KIAA1217: variants seen among roughly 807,000 people sequenced by gnomAD.
KIAA1217 encodes the protein sickle tail protein homolog.
In KIAA1217, 88 loss-of-function variants were observed where a neutral mutation model predicts 163.9. That is an observed-to-expected ratio of 0.54 (90% CI 0.45 to 0.64). The LOEUF is 0.64. KIAA1217 is among the 30% of genes least tolerant of loss of function. The pLI is 0.00. For missense variants in KIAA1217, 2,372 were observed against 2,475.0 expected, an observed-to-expected ratio of 0.96 and a Z score of 0.88; for synonymous variants, 903 against 923.1, an observed-to-expected ratio of 0.98 and a Z score of 0.39.
chr10:24,512,763 T>A (rs1196857844), intron 9 of KIAA1217, among the ~76,000 whole-genome samples: 1 of 152,180 alleles, frequency 6.6e-6, no homozygotes, highest in Non-Finnish European at 1.5e-5. Flanking sequence ...ACGTGTTGAG[T>A]TCCCATTCTA....
chr10:24,255,439 C>T (rs1020713912), intron 2 of KIAA1217: 1 of 444,038 alleles, frequency 2.3e-6, no homozygotes, highest in African/African-American at 2.0e-5. Context: ...GGGCTCAGCA[C>T]TGGACTGCTC....
chr10:23,937,918 G>A (rs1843601259), intron 1 of KIAA1217, among the ~76,000 whole-genome samples: 1 of 152,166 alleles, frequency 6.6e-6, no homozygotes, highest in Non-Finnish European at 1.5e-5. Context: ...CTTTAGCACA[G>A]GGAGAGGGAA....
chr10:24,312,309 TAAA>T (rs1228932678), intron 2 of KIAA1217, among the ~76,000 whole-genome samples: 2 of 131,084 alleles, frequency 1.5e-5, no homozygotes, highest in African/African-American at 2.8e-5. Flanking sequence ...GTCATAGATT[TAAA>T]AAAAAAAAAA....
chr10:24,423,152 C>G (rs1053373513), intron 3 of KIAA1217, among the ~76,000 whole-genome samples: 1 of 151,982 alleles, frequency 6.6e-6, no homozygotes, highest in Non-Finnish European at 1.5e-5. Context: ...CTCCTGACCT[C>G]GTGATCCACC....
chr10:23,726,262 T>C (rs1838125135), intron 1 of KIAA1217, among the ~76,000 whole-genome samples: 1 of 151,778 alleles, frequency 6.6e-6, no homozygotes, highest in Non-Finnish European at 1.5e-5. Context: ...GTAAAACTAA[T>C]TTGTTTGTAA....
chr10:24,220,326 G>T (rs1042932883), intron 2 of KIAA1217, among the ~76,000 whole-genome samples: 1 of 151,978 alleles, frequency 6.6e-6, no homozygotes, highest in African/African-American at 2.4e-5. Flanking sequence ...ATGAAGTAAT[G>T]AATGAATGAA....
At chr10:24,224,754 CT>C (rs1355992047) in intron 2 of KIAA1217, among the ~76,000 whole-genome samples, 1 of 150,952 alleles carries the variant, frequency 6.6e-6, no homozygotes, top group Non-Finnish European at 1.5e-5. Flanking sequence ...TGATAATATT[CT>C]GGTTTTTAGT....
At chr10:24,330,229 G>A (rs1033993441) in intron 2 of KIAA1217, among the ~76,000 whole-genome samples, 18 of 151,492 alleles carry the variant, frequency 1.2e-4, no homozygotes, top group Admixed American at 1.1e-3. Context: ...GAACCCAGGA[G>A]GCAGAGGTTG....
rs1835729457 is a variant in KIAA1217, at chr10:23,790,241, G to GCACATATGCATATA, written c.-321+95020_-321+95021insACACATATGCATAT. ...CATATGCATATGCACATATGCATAT[G>GCACATATGCATATA]CACATATGCATATGCACATATGCAT... On this transcript the variant is annotated intron_variant, in intron 1 of 18. Transcript: ENST00000376462. 6.5e-4 allele frequency among the ~76,000 whole-genome samples: 7 copies of GCACATATGCATATA among 10,850 alleles called. 2 individuals carry two copies. Among genetic ancestry groups the GCACATATGCATATA allele is most frequent in the Admixed American group, 3.9e-3 (4 of 1,028 alleles). The allele number at this position is 10,850 out of a possible 152,430, so 7.1% of individuals were successfully genotyped here. A position where few individuals can be genotyped will look rare whatever the true frequency, so the allele number is the denominator to read the frequency against.
Position 24,545,605 on chromosome 10 carries a change from T to C in KIAA1217, c.5335-222T>C, listed in dbSNP as rs1477136502. On this transcript the variant is annotated intron_variant, in intron 20 of 20. Transcript: ENST00000376454. Reference sequence around the variant, plus strand: ...GGAATGATGGGACTCCTCTCACAAATGTATTCTTCCTTTCCTCCTTTCCCG... The same window carrying C: ...GGAATGATGGGACTCCTCTCACAAACGTATTCTTCCTTTCCTCCTTTCCCG... 5 of 1,381,598 alleles carry C rather than the reference T, an allele frequency of 3.6e-6. No homozygotes were observed. In the East Asian group the frequency reaches 1.1e-4, roughly 30 times the overall value. 85.6% of individuals were successfully genotyped at this position (1,381,598 alleles called of 1,614,324 possible).
intron 2 of KIAA1217, among the ~76,000 whole-genome samples, chr10:24,370,203 T>G (rs1259121110): frequency 2.1e-5 from 3 of 140,860 alleles, no homozygotes; most frequent in Non-Finnish European, 4.5e-5. Flanking sequence ...AGGCGGAGCC[T>G]GCAGTGAGCC....
intron 1 of KIAA1217, among the ~76,000 whole-genome samples, chr10:24,217,111 G>A (rs1438953966): frequency 2.1e-5 from 3 of 144,062 alleles, no homozygotes; most frequent in Non-Finnish European, 4.5e-5. Flanking sequence ...TGAAACACAT[G>A]CACAGCACTC....
intron 2 of KIAA1217, among the ~76,000 whole-genome samples, chr10:24,048,264 A>G (rs868431568): frequency 1.3e-5 from 2 of 152,388 alleles, no homozygotes; most frequent in African/African-American, 2.4e-5. Context: ...TACAATTTGC[A>G]TAGCTTACTC....
intron 1 of KIAA1217, among the ~76,000 whole-genome samples, chr10:23,893,492 T>A (rs1400159689): frequency 4.6e-5 from 7 of 152,038 alleles, no homozygotes; most frequent in Non-Finnish European, 8.8e-5. Context: ...TCTATTTCCT[T>A]CAGTTCTGCT....
At chr10:24,344,793 TTCTA>T (rs1206949032) in intron 2 of KIAA1217, among the ~76,000 whole-genome samples, 8 of 152,244 alleles carry the variant, frequency 5.3e-5, no homozygotes, top group African/African-American at 1.4e-4. Context: ...TGAGATTTCT[TTCTA>T]TCTGTCTTCC....
At chr10:23,998,865 G>C (rs1326791858) in intron 1 of KIAA1217, among the ~76,000 whole-genome samples, 21 of 152,066 alleles carry the variant, frequency 1.4e-4, no homozygotes, top group Non-Finnish European at 2.4e-4. Flanking sequence ...TCAAAGCTGA[G>C]TGTACACTCC....
chr10:23,948,057 A>T (rs1261007262), intron 1 of KIAA1217, among the ~76,000 whole-genome samples: 8 of 152,186 alleles, frequency 5.3e-5, no homozygotes. Context: ...AAATTATATT[A>T]GCTATTGCCA....
chr10:24,427,919 C>T (rs769854258), intron 3 of KIAA1217, among the ~76,000 whole-genome samples: 4 of 152,172 alleles, frequency 2.6e-5, no homozygotes, highest in Non-Finnish European at 5.9e-5. Flanking sequence ...AAAAGCCAAG[C>T]GTGAAAAGAC....
chr10:23,805,037 C>T (rs1478450615), intron 1 of KIAA1217, among the ~76,000 whole-genome samples: 1 of 152,058 alleles, frequency 6.6e-6, no homozygotes. Flanking sequence ...TAAAGGAATG[C>T]TTATAAATTG....
Sources: allele counts gnomAD v4.1 joint callset (sites outside exome capture counted in the v4.1 genomes callset), GRCh38; gene constraint gnomAD v4.1.1; transcripts MANE v1.5; gene names NCBI Gene and HGNC (gene_info 2026-07-23, HGNC 2026-07-21).